Variants in GK observed in about 807,000 individuals in gnomAD.
GK encodes the protein glycerol kinase.
GK carries 9 observed loss-of-function variants against 56.4 expected under a neutral mutation model. The ratio of observed to expected loss-of-function variants is 0.16; its 90% CI spans 0.10 to 0.28. GK has a LOEUF of 0.28. Among genes scored for constraint, GK ranks in the 10% least tolerant of loss-of-function variants. The probability of loss-of-function intolerance (pLI) is 1.00; values close to 1 mark genes in which losing one functional copy is unlikely to be tolerated. For missense variants in GK, 161 were observed against 431.4 expected (o/e 0.37, Z 5.55); for synonymous variants, 104 against 144.1 (o/e 0.72, Z 1.99).
chrX:30,722,846 C>G (rs915339447), intron 18 of GK, among the ~76,000 whole-genome samples: 3 of 111,183 alleles, frequency 2.7e-5, no homozygotes, highest in African/African-American at 9.8e-5. Flanking sequence ...CTTGAGCCTT[C>G]TCTCCTGGGT....
chrX:30,675,033 T>C (rs1395698203), intron 3 of GK, among the ~76,000 whole-genome samples: 1 of 110,657 alleles, frequency 9.0e-6, no homozygotes, highest in Non-Finnish European at 1.9e-5. Context: ...GTGGGGTCAG[T>C]TGAAGGAAAT....
intron 4 of GK, among the ~76,000 whole-genome samples, chrX:30,684,206 G>C (rs1934451294): frequency 8.9e-6 from 1 of 112,103 alleles, no homozygotes; most frequent in Admixed American, 9.5e-5. Context: ...GATGCTACCA[G>C]GGAAATGTTC....
intron 11 of GK, among the ~76,000 whole-genome samples, chrX:30,702,851 T>C (rs967109791): frequency 8.9e-6 from 1 of 112,439 alleles, no homozygotes; most frequent in South Asian, 3.6e-4. Context: ...TCTAGCAGGG[T>C]CAGTGGCTCT....
chrX:30,717,570 G>A (rs926005164), intron 13 of GK, among the ~76,000 whole-genome samples: 10 of 110,874 alleles, frequency 9.0e-5, no homozygotes, highest in African/African-American at 9.8e-5. Context: ...GAATGGGATC[G>A]TACAATATAT....
intron 18 of GK, chrX:30,721,262 T>G: frequency 2.7e-6 from 1 of 370,236 alleles, no homozygotes; most frequent in South Asian, 3.6e-5. Context: ...ATAATAATAC[T>G]GCCACACTGT....
intron 3 of GK, chrX:30,671,651 C>T (rs1459523722): frequency 8.9e-6 from 1 of 111,951 alleles, no homozygotes; most frequent in Non-Finnish European, 1.9e-5. Context: ...GCTTATCTGA[C>T]AGAAGGTTTG....
rs1935135317 is a variant in GK, at chrX:30,694,324, G to A, written c.415-76G>A. 3 of 898,502 alleles carry A rather than the reference G, an allele frequency of 3.3e-6. No individual in the cohort carries two copies. The African/African-American group carries it at 5.9e-5, about 18-fold the overall frequency. 74.0% of individuals were successfully genotyped at this position (898,502 alleles called of 1,213,427 possible). A position where few individuals can be genotyped will look rare whatever the true frequency, so the allele number is the denominator to read the frequency against. On this transcript the variant is annotated intron_variant, in intron 5 of 20. Coordinates refer to ENST00000427190, the MANE Select transcript of GK (RefSeq NM_001205019.2). ...GTCTTTGAATATTTTGTGATTTGTT[G>A]AGTTCTTTTGTTTGGTGGTTTTGTT... is the stretch of plus-strand genomic sequence containing the variant.
At chrX:30,697,815 T>G in intron 9 of GK, 66 bp downstream of exon 9, 1 of 784,297 alleles carries the variant, frequency 1.3e-6, no homozygotes, top group Non-Finnish European at 2.0e-6. Flanking sequence ...CTTCCATTTA[T>G]TTTTAGACAA....
intron 13 of GK, among the ~76,000 whole-genome samples, chrX:30,712,999 G>T (rs888026516): frequency 9.0e-6 from 1 of 111,259 alleles, no homozygotes; most frequent in Non-Finnish European, 1.9e-5. Context: ...CTCCCAAAGT[G>T]CTGGAATTAC....
intron 5 of GK, among the ~76,000 whole-genome samples, chrX:30,692,526 T>A (rs780534609): frequency 9.1e-6 from 1 of 110,411 alleles, no homozygotes; most frequent in African/African-American, 3.3e-5. Context: ...TTGCCCAGGC[T>A]GGAGTGCAGT....
At chrX:30,655,764 T>G (rs1002614810) in intron 1 of GK, among the ~76,000 whole-genome samples, 6 of 112,048 alleles carry the variant, frequency 5.4e-5, no homozygotes, top group Non-Finnish European at 9.4e-5. Flanking sequence ...AGGTTGTTCT[T>G]GGTCCCTCAG....
intron 4 of GK, among the ~76,000 whole-genome samples, chrX:30,683,604 G>A (rs1175238198): frequency 8.9e-6 from 1 of 111,785 alleles, no homozygotes; most frequent in African/African-American, 3.3e-5. Context: ...CAATAAAGGT[G>A]TGTTTGTTTA....
At chrX:30,706,603 A>G (rs1936021472) in intron 11 of GK, among the ~76,000 whole-genome samples, 1 of 112,386 alleles carries the variant, frequency 8.9e-6, no homozygotes, top group African/African-American at 3.2e-5. Context: ...TGCCTGGCAC[A>G]TGTCAAAACT....
chrX:30,656,658 C>T (rs1932308680), intron 1 of GK, among the ~76,000 whole-genome samples: 1 of 111,285 alleles, frequency 9.0e-6, no homozygotes, highest in African/African-American at 3.3e-5. Flanking sequence ...TATTACCTTC[C>T]CCCTTGTATT....
At chrX:30,695,684 G>A (rs1407035632) in intron 6 of GK, among the ~76,000 whole-genome samples, 2 of 112,570 alleles carry the variant, frequency 1.8e-5, no homozygotes, top group African/African-American at 6.4e-5. Flanking sequence ...TCCTTATGAG[G>A]CAGATATTTC....
intron 4 of GK, chrX:30,689,403 A>G (rs1934804726): frequency 3.3e-6 from 1 of 306,061 alleles, no homozygotes; most frequent in Non-Finnish European, 6.4e-6. Context: ...CAGTGTAAAT[A>G]ATAGAAAATT....
intron 4 of GK, among the ~76,000 whole-genome samples, chrX:30,690,379 A>G (rs982494676): frequency 1.8e-5 from 2 of 112,395 alleles, no homozygotes; most frequent in African/African-American, 6.5e-5. Context: ...CAATTACTTT[A>G]TGTACTATTT....
At chrX:30,677,871 C>A in intron 4 of GK, 1 of 454,152 alleles carries the variant, frequency 2.2e-6, no homozygotes, top group Non-Finnish European at 3.9e-6. Flanking sequence ...AGTCATGGTA[C>A]CTATAATCTT....
At chrX:30,663,339 A>G (rs948851075) in intron 1 of GK, among the ~76,000 whole-genome samples, 1 of 112,050 alleles carries the variant, frequency 8.9e-6, no homozygotes, top group Non-Finnish European at 1.9e-5. Context: ...TAATAAGTAC[A>G]TGTAATACAT....
Sources: gnomAD v4.1 joint callset for allele counts (sites outside exome capture counted in the v4.1 genomes callset) on GRCh38, gnomAD v4.1.1 for gene constraint, MANE v1.5 for transcripts, NCBI Gene and HGNC (gene_info 2026-07-23, HGNC 2026-07-21) for gene names.